Variants in PDIA4 observed in about 807,000 individuals in gnomAD.
The protein encoded by PDIA4 is protein disulfide-isomerase A4.
In PDIA4, 33 loss-of-function variants were observed where a neutral mutation model predicts 62.1. The observed-to-expected ratio is 0.53, with a 90% CI of 0.40 to 0.71. The LOEUF (loss-of-function observed/expected upper bound fraction) is 0.71. PDIA4 is among the 30% of genes least tolerant of loss of function. The pLI is 0.00. For missense variants in PDIA4, 804 were observed against 813.6 expected, an observed-to-expected ratio of 0.99 and a Z score of 0.14; for synonymous variants, 341 against 324.1, an observed-to-expected ratio of 1.05 and a Z score of -0.56.
At chr7:149,007,447 G>C (rs369544152) in intron 7 of PDIA4, among the ~76,000 whole-genome samples, 2 of 152,268 alleles carry the variant, frequency 1.3e-5, no homozygotes, top group Middle Eastern at 3.4e-3. Context: ...GGTCTGGGGT[G>C]GGGGGTAGAG....
Position 149,005,178 on chromosome 7 carries a change from A to G in PDIA4, c.1485T>C (p.Ser495=), listed in dbSNP as rs1823702090. The change falls in exon 9 of 10, where the codon TCT becomes TCC. Residue 495 remains serine (S), a synonymous_variant. Coordinates refer to ENST00000652332, the MANE Select transcript of PDIA4 (RefSeq NM_004911.5). The stretch of plus-strand genomic sequence containing the variant: ...CAGTGACAAACTCGCGGAGGGTGTC[A>G]GAGTCAAACTCCTCTGGCTCCATGG... The part of the protein sequence containing the change: ...KFAMEPEEFD[S]DTLREFVTAF... 1.9e-6 allele frequency: 3 copies of G among 1,614,052 alleles called. No homozygotes were observed. Among genetic ancestry groups the G allele is most frequent in the Non-Finnish European group, 2.5e-6 (3 of 1,179,930 alleles).
intron 2 of PDIA4, among the ~76,000 whole-genome samples, chr7:149,019,739 A>C (rs1050213072): frequency 6.6e-6 from 1 of 152,198 alleles, no homozygotes; most frequent in Non-Finnish European, 1.5e-5. Flanking sequence ...TGAACCCAGA[A>C]GGTGGAGGTT....
rs572486278 is a variant in PDIA4 at position 149,005,905 on chromosome 7, T to C, written c.1280A>G (p.Tyr427Cys). The part of the protein sequence containing the change: ...VYYSVDFSFD[Y>C]RAATQFWRSK... Reference sequence around the variant, plus strand: ...TGGTGGGGGTCCCTCACCAGCTCTGTAATCAAAGCTGAAGTCCACACTGTA... The same window carrying C: ...TGGTGGGGGTCCCTCACCAGCTCTGCAATCAAAGCTGAAGTCCACACTGTA... The change falls in exon 8 of 10, where the codon TAC (tyrosine) becomes TGC (cysteine). Residue 427 changes from tyrosine (Y) to cysteine (C), a missense_variant. Tyr to Cys is a radical substitution (Grantham distance 194, BLOSUM62 -2). Transcript: ENST00000652332. 1.3e-6 allele frequency: 2 copies of C among 1,511,076 alleles called. No individual in the cohort carries two copies. Among genetic ancestry groups the C allele is most frequent in the East Asian group, 5.2e-5 (2 of 38,382 alleles). The allele number at this position is 1,511,076 out of a possible 1,614,324, so 93.6% of individuals were successfully genotyped here.
At position 149,012,375 on chromosome 7, in the gene PDIA4, C is replaced by G. The variant is rs746804146; in HGVS notation, c.615-15G>C. ...AGTGTCCACACCTGCCAAGAGGAAACTGGTTTGTCAGGGGCTCATTCTAGT... is the reference window on the plus strand; with the variant it reads ...AGTGTCCACACCTGCCAAGAGGAAAGTGGTTTGTCAGGGGCTCATTCTAGT... On this transcript the variant is annotated splice_polypyrimidine_tract_variant and intron_variant, in intron 4 of 9. Transcript: ENST00000652332. The G allele has an allele frequency of 1.2e-6, 2 of 1,609,580 alleles. No homozygotes were observed. Among genetic ancestry groups the G allele is most frequent in the South Asian group, 1.1e-5 (1 of 90,930 alleles).
At chr7:149,012,400 T>C (rs1013121072) in intron 4 of PDIA4, 40 bp from the exon 5 acceptor site, 5 of 1,543,590 alleles carry the variant, frequency 3.2e-6, no homozygotes, top group Non-Finnish European at 4.5e-6. Context: ...CTCATTCTAG[T>C]GTGGACTCAC....
In PDIA4 at chr7:149,028,401, G is replaced by T; in HGVS notation, c.8C>A (p.Pro3His). 6.6e-7 allele frequency: 1 copy of T among 1,516,004 alleles called. No individual in the cohort carries two copies. Among genetic ancestry groups the T allele is most frequent in the African/African-American group, 1.4e-5 (1 of 69,174 alleles). 93.9% of individuals were successfully genotyped at this position (1,516,004 alleles called of 1,614,324 possible). ...CAGCAGGAGCAGGAAGGCTTTCCGGGGCCTCATGGTAGCGGGGGCGGAGCG... is the reference window on the plus strand; with the variant it reads ...CAGCAGGAGCAGGAAGGCTTTCCGGTGCCTCATGGTAGCGGGGGCGGAGCG... MRPRKAFLLLLLL... is the reference protein window; with the variant it reads MRHRKAFLLLLLL... Residue 3 changes from proline to histidine, a missense_variant, in exon 1 of 10, where the codon CCC becomes CAC. By Grantham distance (77) the Pro-to-His change is moderately conservative. Transcript: ENST00000652332.
At chr7:149,017,930 T>C (rs963699445) in intron 3 of PDIA4, among the ~76,000 whole-genome samples, 1 of 152,016 alleles carries the variant, frequency 6.6e-6, no homozygotes, top group Non-Finnish European at 1.5e-5. Context: ...TGCATGCTTG[T>C]AAGAAATGCA....
chr7:149,012,879 T>G (rs1823999796), intron 4 of PDIA4, among the ~76,000 whole-genome samples: 1 of 151,746 alleles, frequency 6.6e-6, no homozygotes, highest in African/African-American at 2.4e-5. Context: ...TCACAAACCC[T>G]CACTGACACA....
At chr7:149,007,770 G>A (rs1049375200) in intron 7 of PDIA4, among the ~76,000 whole-genome samples, 4 of 152,270 alleles carry the variant, frequency 2.6e-5, no homozygotes, top group Non-Finnish European at 5.9e-5. Context: ...AGCTGGAGCT[G>A]CCCGAACAAA....
intron 9 of PDIA4, 35 bp downstream of exon 9, chr7:149,005,106 C>T: frequency 6.5e-7 from 1 of 1,527,332 alleles, no homozygotes; most frequent in Non-Finnish European, 9.1e-7. Flanking sequence ...AGCACAGCAG[C>T]TGATGGGAGA....
At chr7:149,008,057 CAA>C (rs1823821513) in intron 7 of PDIA4, 100 bp downstream of exon 7, 2 of 1,145,892 alleles carry the variant, frequency 1.7e-6, no homozygotes, top group African/African-American at 1.6e-5. Context: ...ACCCTGCAGA[CAA>C]GAGCGAAACC....
At position 149,003,992 on chromosome 7, in the gene PDIA4, G is replaced by A. The variant is rs201327269; in HGVS notation, c.1740C>T (p.Ile580=). The change falls in exon 10 of 10, where the codon ATC becomes ATT. Residue 580 remains isoleucine, a synonymous_variant. Transcript: ENST00000652332. ...KKYKGQKGLV[I]AKMDATANDV... ...CGTTGGCAGTGGCGTCCATCTTGGC[G>A]ATGACCAGGCCCTTTTGGCCCTTGT... 1.4e-5 allele frequency: 22 copies of A among 1,613,794 alleles called. No individual in the cohort carries two copies. The highest frequency in any genetic ancestry group is 1.1e-4 in the African/African-American group (8 of 75,058).
In PDIA4 at chr7:149,008,153, G is replaced by A. The variant is rs367942768; in HGVS notation, c.1131+6C>T. 246 of 1,612,600 alleles carry A rather than the reference G, an allele frequency of 1.5e-4. No homozygotes were observed. The African/African-American group carries it at 2.0e-3, about 13-fold the overall frequency. On this transcript the variant is annotated splice_donor_region_variant and intron_variant, in intron 7 of 9. Transcript: ENST00000652332. ...CAGGGCTGGCATGGCAGAGGGGCCC[G>A]CTTACCTGGACGTCCATCATGTGGC...
At chr7:149,023,200 C>G (rs1479692182) in intron 1 of PDIA4, among the ~76,000 whole-genome samples, 1 of 152,176 alleles carries the variant, frequency 6.6e-6, no homozygotes, top group Non-Finnish European at 1.5e-5. Context: ...ACAGTACAGG[C>G]AGGGGCCAGG....
intron 3 of PDIA4, 49 bp from the exon 4 acceptor site, chr7:149,015,091 C>G (rs368833465): frequency 6.3e-7 from 1 of 1,598,546 alleles, no homozygotes; most frequent in East Asian, 2.2e-5. Context: ...AACTGGCAGG[C>G]ACTTCACCTC....
chr7:149,011,164 T>C (rs1823929815), intron 6 of PDIA4, among the ~76,000 whole-genome samples: 1 of 152,182 alleles, frequency 6.6e-6, no homozygotes, highest in South Asian at 2.1e-4. Context: ...CAAGCTGGTT[T>C]TGGTGTAGTG....
At chr7:149,012,449 C>A in intron 4 of PDIA4, 89 bp from the exon 5 acceptor site, 1 of 1,117,530 alleles carries the variant, frequency 8.9e-7, no homozygotes, top group South Asian at 1.3e-5. Flanking sequence ...ATCCTGTGCT[C>A]CCTAGTAACC....
intron 4 of PDIA4, 119 bp downstream of exon 4, chr7:149,014,785 C>T (rs1824072208): frequency 2.3e-6 from 2 of 884,696 alleles, no homozygotes; most frequent in South Asian, 3.3e-5. Context: ...TCAATCCTGG[C>T]CTACAACTCG....
chr7:149,005,861 C>T, intron 8 of PDIA4, 36 bp downstream of exon 8: 4 of 1,451,702 alleles, frequency 2.8e-6, no homozygotes, highest in Non-Finnish European at 3.6e-6. Flanking sequence ...GTCCCCCCAC[C>T]CCCCACCCCC....
Sources: allele counts gnomAD v4.1 joint callset (sites outside exome capture counted in the v4.1 genomes callset), GRCh38; gene constraint gnomAD v4.1.1; transcripts MANE v1.5; gene names NCBI Gene and HGNC (gene_info 2026-07-23, HGNC 2026-07-21).